Variants in MICAL1 observed in about 807,000 individuals in gnomAD.
MICAL1 encodes the protein microtubule associated monooxygenase, calponin and LIM domain containing 1.
MICAL1 carries 95 observed loss-of-function variants against 131.8 expected under a neutral mutation model. The ratio of observed to expected loss-of-function variants is 0.72; its 90% CI spans 0.61 to 0.86. The LOEUF is 0.86. Ranked by LOEUF, MICAL1 falls within the 40% of genes least tolerant of loss-of-function variation. The pLI is 0.00. For missense variants in MICAL1, 1,292 were observed against 1,380.6 expected, an observed-to-expected ratio of 0.94 and a Z score of 1.02; for synonymous variants, 546 against 554.2, an observed-to-expected ratio of 0.99 and a Z score of 0.21.
chr6:109,462,092 T>C (rs59306296), intron 1 of MICAL1, among the ~76,000 whole-genome samples: 274 of 152,334 alleles, frequency 1.8e-3, no homozygotes, highest in African/African-American at 6.4e-3. Context: ...GATGTCCTAA[T>C]ACCCAGCATC....
In MICAL1 at chr6:109,450,570, CAG is replaced by C. The variant is rs1265209005; in HGVS notation, c.934-15_934-14del. On this transcript the variant is annotated splice_polypyrimidine_tract_variant and intron_variant, in intron 7 of 24. Transcript: ENST00000358807. ...TGTCTGGCCAGTCCTGTATGGTCAA[CAG>C]AGCAGAACCTCAGAGACCTCTGAGA... 2 of 1,589,936 alleles carry C rather than the reference CAG, an allele frequency of 1.3e-6. No individual in the cohort carries two copies. Among genetic ancestry groups the C allele is most frequent in the Non-Finnish European group, 1.7e-6 (2 of 1,162,074 alleles).
rs372605728 is a variant in MICAL1 at position 109,447,623 on chromosome 6, A to G, written c.1986+58T>C. The G allele has an allele frequency of 3.1e-6, 5 of 1,610,986 alleles. No individual in the cohort carries two copies. In the African/African-American group the frequency reaches 6.7e-5, roughly 22 times the overall value. On this transcript the variant is annotated intron_variant, in intron 15 of 24. Coordinates refer to ENST00000358807, the MANE Select transcript of MICAL1 (RefSeq NM_022765.4). Reference sequence around the variant, plus strand: ...TGGGATGAGAAATAGGGAAGACAGTACCAGGAAAGGGGATAAAATGTGGGG... The same window carrying G: ...TGGGATGAGAAATAGGGAAGACAGTGCCAGGAAAGGGGATAAAATGTGGGG...
chr6:109,455,698 C>G lies in MICAL1; in HGVS notation c.-44+21G>C. 2 of 983,606 alleles carry G rather than the reference C, an allele frequency of 2.0e-6. No individual in the cohort carries two copies. The highest frequency in any genetic ancestry group is 2.4e-6 in the Non-Finnish European group (2 of 829,734). 60.9% of individuals were successfully genotyped at this position (983,606 alleles called of 1,614,324 possible). A position where few individuals can be genotyped will look rare whatever the true frequency, so the allele number is the denominator to read the frequency against. ...CCCACCCGGCCGCGGGGCTCGCAGC[C>G]GGCTCCGCTGGACGACTTACCGGCG... On this transcript the variant is annotated intron_variant, in intron 1 of 24. Coordinates refer to ENST00000358807, the MANE Select transcript of MICAL1 (RefSeq NM_022765.4). The surrounding 1 kb of genome is among the most constrained non-coding windows in gnomAD (Gnocchi z 4.7).
At chr6:109,456,270 AAG>A (rs775094795), upstream of MICAL1, among the ~76,000 whole-genome samples, 18 of 152,206 alleles carry the variant, frequency 1.2e-4, no homozygotes, top group East Asian at 2.9e-3. Flanking sequence ...CAGGCTCCTC[AAG>A]AGGTTTGGAA....
In MICAL1 at chr6:109,447,929, A is replaced by C; in HGVS notation, c.1890T>G (p.Ser630Arg). 1 of 1,612,858 alleles carries C rather than the reference A, an allele frequency of 6.2e-7. No homozygotes were observed. The highest frequency in any genetic ancestry group is 1.3e-5 in the African/African-American group (1 of 74,914). The stretch of plus-strand genomic sequence containing the variant: ...GAAGTTTACTAAGGAATAATACAGC[A>C]CTGGAGGTCCCTGGGGAGGCCTGGC... ...PVSQASPGTS[S>R]AVLFLSKLQR... Residue 630 changes from serine (S) to arginine (R), a missense_variant, in exon 14 of 25, where the codon AGT (serine) becomes AGG (arginine). Coordinates refer to ENST00000358807, the MANE Select transcript of MICAL1 (RefSeq NM_022765.4).
In MICAL1 at chr6:109,445,402, C is replaced by T. The variant is rs370929889; in HGVS notation, c.2787+14G>A. On this transcript the variant is annotated intron_variant, in intron 21 of 24. Coordinates refer to ENST00000358807, the MANE Select transcript of MICAL1 (RefSeq NM_022765.4). ...TTTGACCCCATCAGAATTTTGGGAA[C>T]CCCCGGGCTTCACCTGGGCCTTGCA... is the stretch of plus-strand genomic sequence containing the variant. The T allele has an allele frequency of 7.4e-6, 12 of 1,613,700 alleles. No homozygotes were observed. The highest frequency in any genetic ancestry group is 1.0e-5 in the Non-Finnish European group (12 of 1,179,906).
chr6:109,465,617 A>T (rs1227555513), intron 1 of MICAL1: 2 of 1,531,690 alleles, frequency 1.3e-6, no homozygotes, highest in Admixed American at 3.9e-5. Context: ...TGCAGATTAA[A>T]ATGAAAACCA....
Position 109,447,722 on chromosome 6 carries a change from C to G in MICAL1, c.1945G>C (p.Glu649Gln). 6.2e-7 allele frequency: 1 copy of G among 1,614,110 alleles called. No homozygotes were observed. Among genetic ancestry groups the G allele is most frequent in the Non-Finnish European group, 8.5e-7 (1 of 1,179,996 alleles). Residue 649 changes from glutamate (E) to glutamine (Q), a missense_variant and splice_region_variant, in exon 15 of 25, where the codon GAA (glutamate) becomes CAA (glutamine). Glu to Gln is a conservative substitution (Grantham distance 29). Transcript: ENST00000358807. ...QRTLQRSRAK[E>Q]NAEDAGGKKL... ...TTGCCACCAGCATCCTCTGCATTTT[C>G]CTGCAATAAGTCCTAACAGCTCTAA... is the stretch of plus-strand genomic sequence containing the variant.
Position 109,452,243 on chromosome 6 carries a change from G to A in MICAL1, c.832+3C>T. On this transcript the variant is annotated splice_donor_region_variant and intron_variant, in intron 6 of 24. Transcript: ENST00000358807. ...GGGGAAATTCAGCAAGAGGGTCCCTGACCTGTGGCTTTGAGAAGGCTCTGG... is the reference window on the plus strand; with the variant it reads ...GGGGAAATTCAGCAAGAGGGTCCCTAACCTGTGGCTTTGAGAAGGCTCTGG... 6.2e-7 allele frequency: 1 copy of A among 1,612,286 alleles called. No homozygotes were observed. The highest frequency in any genetic ancestry group is 8.5e-7 in the Non-Finnish European group (1 of 1,178,928).
chr6:109,452,347 A>G lies in MICAL1; in HGVS notation c.731T>C (p.Phe244Ser). 1 of 1,614,194 alleles carries G rather than the reference A, an allele frequency of 6.2e-7. No homozygotes were observed. Among genetic ancestry groups the G allele is most frequent in the Non-Finnish European group, 8.5e-7 (1 of 1,180,028 alleles). ...CTCCTCCACGGTGCGTCCATTCACA[A>G]AGTTGGCTGTGATGCCAATGGCCAG... Reference protein sequence around the residue: ...GKLAIGITANFVNGRTVEETQ... With the variant: ...GKLAIGITANSVNGRTVEETQ... The change falls in exon 6 of 25, where the codon TTT becomes TCT. Residue 244 changes from phenylalanine (F) to serine (S), a missense_variant. Phe to Ser is a radical substitution (Grantham distance 155). Transcript: ENST00000358807.
chr6:109,451,919 G>A, intron 6 of MICAL1: 1 of 1,385,812 alleles, frequency 7.2e-7, no homozygotes, highest in African/African-American at 1.5e-5. Context: ...CTTGGAGGGG[G>A]GTGGCATTTG....
exon 1 of MICAL1, chr6:109,465,919 CCTGTGTCAGCTGCAGGTG>C: frequency 1.2e-6 from 2 of 1,614,120 alleles, no homozygotes; most frequent in Non-Finnish European, 1.7e-6. Context: ...GGACCAGGCT[CCTGTGTCAGCTGCAGGTG>C]CTGAGCTGGA....
chr6:109,463,632 G>GAAA (rs1775960070), intron 1 of MICAL1: 1 of 152,152 alleles, frequency 6.6e-6, no homozygotes, highest in South Asian at 2.1e-4. Flanking sequence ...ACTGTAAGTT[G>GAAA]TATGAAATCT....
At chr6:109,449,901 C>A in intron 9 of MICAL1, 69 bp downstream of exon 9, 1 of 1,595,038 alleles carries the variant, frequency 6.3e-7, no homozygotes, top group African/African-American at 1.3e-5. Context: ...CACTCAGCAC[C>A]CCTGCCCCTC....
At chr6:109,465,405 T>A (rs1211573172) in intron 1 of MICAL1, 2 of 524,350 alleles carry the variant, frequency 3.8e-6, no homozygotes, top group South Asian at 4.9e-5. Flanking sequence ...TGGTAACAAC[T>A]GTGTTGCCTA....
chr6:109,449,755 T>C lies in MICAL1; in HGVS notation c.1336A>G (p.Thr446Ala). 6.2e-7 allele frequency: 1 copy of C among 1,608,852 alleles called. No individual in the cohort carries two copies. Among genetic ancestry groups the C allele is most frequent in the Non-Finnish European group, 8.5e-7 (1 of 1,177,394 alleles). The change falls in exon 10 of 25, where the codon ACA becomes GCA. Residue 446 changes from threonine to alanine, a missense_variant. Coordinates refer to ENST00000358807, the MANE Select transcript of MICAL1 (RefSeq NM_022765.4). Reference sequence around the variant, plus strand: ...TTGCGATGCATGTTTTCTGGGGATGTCTGTGACAGAAGCTGGTACAGGCTC... The same window carrying C: ...TTGCGATGCATGTTTTCTGGGGATGCCTGTGACAGAAGCTGGTACAGGCTC... ...RESLYQLLSQ[T>A]SPENMHRNVA...
rs979667426 is a variant in MICAL1 at position 109,455,273 on chromosome 6, A to G, written c.-44+446T>C. On this transcript the variant is annotated intron_variant, in intron 1 of 24. Transcript: ENST00000358807. The surrounding 1 kb of genome is among the most constrained non-coding windows in gnomAD (Gnocchi z 4.7). ...TCCCTGAGGCTCAGGCCCCTCCACC[A>G]TCCAGCTGCCCCTCCGTTCCCAGCC... 9.2e-5 allele frequency among the ~76,000 whole-genome samples: 14 copies of G among 152,174 alleles called. No homozygotes were observed. The highest frequency in any genetic ancestry group is 1.3e-4 in the Non-Finnish European group (9 of 68,016).
intron 1 of MICAL1, 132 bp from the exon 2 acceptor site, chr6:109,454,371 C>T (rs1775666693): frequency 1.1e-6 from 1 of 915,048 alleles, no homozygotes. Flanking sequence ...CTCCTCCCAG[C>T]CCATTCCCCT....
chr6:109,450,238 C>T (rs1417761185), intron 8 of MICAL1, 62 bp downstream of exon 8: 1 of 1,575,578 alleles, frequency 6.3e-7, no homozygotes, highest in Non-Finnish European at 8.6e-7. Context: ...TTTATCCCCT[C>T]CTCCATACTA....
Sources: allele counts gnomAD v4.1 joint callset (sites outside exome capture counted in the v4.1 genomes callset), GRCh38; gene constraint gnomAD v4.1.1; non-coding constraint Gnocchi (gnomAD v3.1); transcripts MANE v1.5; gene names NCBI Gene and HGNC (gene_info 2026-07-23, HGNC 2026-07-21).